The following UNC80 variants were observed in gnomAD, a reference collection of about 807,000 sequenced individuals.
UNC80 encodes the protein unc-80 subunit of NALCN channel complex, also known as protein unc-80 homolog.
UNC80 carries 164 observed loss-of-function variants against 384.6 expected under a neutral mutation model. That is an observed-to-expected ratio of 0.43 (90% CI 0.38 to 0.49). UNC80 has a LOEUF of 0.49. Ranked by LOEUF, UNC80 falls within the 20% of genes least tolerant of loss-of-function variation. UNC80 has a pLI of 0.00. For missense variants in UNC80, 3,330 were observed against 4,143.0 expected, an observed-to-expected ratio of 0.80 and a Z score of 5.39; for synonymous variants, 1,486 against 1,527.8, an observed-to-expected ratio of 0.97 and a Z score of 0.64.
chr2:209,843,604 G>C (rs1292895635), intron 21 of UNC80, among the ~76,000 whole-genome samples: 1 of 151,782 alleles, frequency 6.6e-6, no homozygotes, highest in Admixed American at 6.6e-5. Flanking sequence ...ATGAATGAAT[G>C]AAAAGAGAAT....
At chr2:209,953,669 G>A (rs1156508565) in intron 47 of UNC80, among the ~76,000 whole-genome samples, 3 of 151,982 alleles carry the variant, frequency 2.0e-5, no homozygotes, top group African/African-American at 7.3e-5. Context: ...ATTTTTTTAA[G>A]TTCAGGAAGC....
At chr2:209,973,761 A>T (rs1230825105) in intron 56 of UNC80, among the ~76,000 whole-genome samples, 1 of 152,128 alleles carries the variant, frequency 6.6e-6, no homozygotes, top group East Asian at 1.9e-4. Flanking sequence ...ATATAAATGG[A>T]GTTCTGTATT....
intron 61 of UNC80, among the ~76,000 whole-genome samples, chr2:209,987,495 TTC>T (rs369337655): frequency 4.6e-5 from 7 of 152,224 alleles, no homozygotes; most frequent in African/African-American, 1.7e-4. Flanking sequence ...TAGATGTTCC[TTC>T]TCTGTCTCTG....
At chr2:209,985,775 G>T (rs546599458) in intron 61 of UNC80, among the ~76,000 whole-genome samples, 4 of 152,092 alleles carry the variant, frequency 2.6e-5, no homozygotes, top group Non-Finnish European at 4.4e-5. Flanking sequence ...TCCCTTTCAG[G>T]TTTGCACTAT....
At chr2:209,847,597 T>G (rs1406264493) in intron 21 of UNC80, among the ~76,000 whole-genome samples, 1 of 152,054 alleles carries the variant, frequency 6.6e-6, no homozygotes, top group African/African-American at 2.4e-5. Flanking sequence ...TTCATTATTT[T>G]ACCTACATCC....
At chr2:209,971,573 A>G (rs181330006) in intron 54 of UNC80, among the ~76,000 whole-genome samples, 1 of 151,728 alleles carries the variant, frequency 6.6e-6, no homozygotes, top group East Asian at 1.9e-4. Flanking sequence ...AATGGAAAGT[A>G]CACAACTGAT....
chr2:209,993,272 A>T, intron 62 of UNC80, 43 bp from the exon 63 acceptor site: 1 of 1,447,504 alleles, frequency 6.9e-7, no homozygotes, highest in Non-Finnish European at 9.5e-7. Context: ...CCTCCTAGGC[A>T]GTTAGACCCT....
chr2:209,954,180 C>T lies in UNC80; in HGVS notation c.7367C>T (p.Thr2456Ile). The change falls in exon 48 of 65, where the codon ACA becomes ATA. Residue 2456 changes from threonine to isoleucine, a missense_variant. This residue lies in a region of UNC80 where 1,049 missense variants were observed against 1,488.6 expected (regional missense o/e 0.70). Coordinates refer to ENST00000673920, the MANE Select transcript of UNC80 (RefSeq NM_001371986.1). Reference sequence around the variant, plus strand: ...AAGAGGCAGACATCACAGGTGGAGACAGTACCTGCTGCCCGAGAGGAGATT... The same window carrying T: ...AAGAGGCAGACATCACAGGTGGAGATAGTACCTGCTGCCCGAGAGGAGATT... ...KLKRQTSQVE[T>I]VPAAREEIAA... The T allele has an allele frequency of 1.9e-6, 3 of 1,551,196 alleles. No individual in the cohort carries two copies. Among genetic ancestry groups the T allele is most frequent in the Non-Finnish European group, 2.6e-6 (3 of 1,146,960 alleles).
intron 52 of UNC80, chr2:209,967,849 C>A: frequency 2.2e-6 from 1 of 460,234 alleles, no homozygotes; most frequent in Non-Finnish European, 3.8e-6. Context: ...ATGTGCTCAT[C>A]TTGAAAAAAA....
chr2:209,804,167 C>T (rs997624744), intron 7 of UNC80, among the ~76,000 whole-genome samples: 12 of 152,206 alleles, frequency 7.9e-5, no homozygotes, highest in Admixed American at 7.9e-4. Flanking sequence ...ATATGGTTAT[C>T]TGCACCAAAC....
At chr2:209,854,214 G>A (rs2124847689) in intron 22 of UNC80, among the ~76,000 whole-genome samples, 1 of 150,996 alleles carries the variant, frequency 6.6e-6, no homozygotes, top group Non-Finnish European at 1.5e-5. Flanking sequence ...ATTCTCGTTT[G>A]AATCATAAGA....
intron 47 of UNC80, among the ~76,000 whole-genome samples, chr2:209,949,391 T>C (rs1347372153): frequency 6.6e-6 from 1 of 152,234 alleles, no homozygotes; most frequent in Non-Finnish European, 1.5e-5. Context: ...AAAGTCCTTG[T>C]CAGGCTATAG....
At chr2:209,897,567 A>G (rs1472774625) in intron 28 of UNC80, among the ~76,000 whole-genome samples, 2 of 152,168 alleles carry the variant, frequency 1.3e-5, no homozygotes, top group African/African-American at 4.8e-5. Context: ...GACGATTTTA[A>G]TTAATTTAAA....
intron 29 of UNC80, among the ~76,000 whole-genome samples, chr2:209,908,228 G>A (rs751206627): frequency 6.6e-6 from 1 of 152,172 alleles, no homozygotes; most frequent in African/African-American, 2.4e-5. Context: ...ATAAAATCGT[G>A]TCTTATGAGC....
At chr2:209,831,307 TG>T (rs1423023294) in intron 15 of UNC80, 135 bp from the exon 16 acceptor site, 11 of 880,114 alleles carry the variant, frequency 1.2e-5, no homozygotes, top group Non-Finnish European at 1.8e-5. Flanking sequence ...TTATTAAACC[TG>T]GGGCATCTTT....
At chr2:209,937,060 C>T (rs1559359308) in intron 41 of UNC80, 127 bp downstream of exon 41, 3 of 634,478 alleles carry the variant, frequency 4.7e-6, no homozygotes, top group Non-Finnish European at 8.4e-6. Context: ...TGGGTCACAC[C>T]ATCTTACTAT....
intron 25 of UNC80, among the ~76,000 whole-genome samples, chr2:209,881,437 C>T (rs1040602220): frequency 1.2e-4 from 19 of 152,124 alleles, no homozygotes; most frequent in African/African-American, 4.6e-4. Context: ...AACTCACCAA[C>T]AAATTTTTTT....
intron 18 of UNC80, among the ~76,000 whole-genome samples, chr2:209,838,914 A>G (rs2153829161): frequency 6.6e-6 from 1 of 152,204 alleles, no homozygotes; most frequent in Non-Finnish European, 1.5e-5. Context: ...TGAAATTGTA[A>G]GTGCTTCTGG....
chr2:209,866,448 A>C (rs2083772951), intron 22 of UNC80, among the ~76,000 whole-genome samples: 1 of 150,770 alleles, frequency 6.6e-6, no homozygotes, highest in African/African-American at 2.4e-5. Context: ...TTGGGTAAAT[A>C]CCAAAGATGC....
Sources: allele counts gnomAD v4.1 joint callset (sites outside exome capture counted in the v4.1 genomes callset), GRCh38; gene constraint gnomAD v4.1.1; regional missense constraint gnomAD v4.1.1; transcripts MANE v1.5; gene names NCBI Gene and HGNC (gene_info 2026-07-23, HGNC 2026-07-21).